FGF7: variants seen among roughly 807,000 people sequenced by gnomAD.
FGF7 encodes the protein FGF-7.
In FGF7, 6 loss-of-function variants were observed where a neutral mutation model predicts 20.5. The observed-to-expected ratio is 0.29, with a 90% CI of 0.16 to 0.58. The LOEUF is 0.58. Ranked by LOEUF, FGF7 falls within the 20% of genes least tolerant of loss-of-function variation. The pLI, the probability that FGF7 is intolerant of heterozygous loss-of-function variation, is 0.90. For missense variants in FGF7, 144 were observed against 228.8 expected, an observed-to-expected ratio of 0.63 and a Z score of 2.39; for synonymous variants, 64 against 74.7, an observed-to-expected ratio of 0.86 and a Z score of 0.74.
chr15:49,448,768 C>A (rs2052454968), intron 2 of FGF7, among the ~76,000 whole-genome samples: 1 of 151,702 alleles, frequency 6.6e-6, no homozygotes, highest in African/African-American at 2.4e-5. Flanking sequence ...AAGGCTCCCC[C>A]AAATACCCAG....
At chr15:49,440,651 A>G (rs910089876) in intron 2 of FGF7, among the ~76,000 whole-genome samples, 4 of 151,728 alleles carry the variant, frequency 2.6e-5, no homozygotes, top group African/African-American at 7.2e-5. Flanking sequence ...TGTCAGGCAC[A>G]GTGCTTGGTG....
intron 2 of FGF7, among the ~76,000 whole-genome samples, chr15:49,444,402 A>C (rs2051983330): frequency 6.6e-6 from 1 of 151,780 alleles, no homozygotes; most frequent in Non-Finnish European, 1.5e-5. Flanking sequence ...TATAGTATGA[A>C]AAAGTAAAAA....
chr15:49,425,224 T>C (rs1270782617), intron 2 of FGF7: 3 of 151,638 alleles, frequency 2.0e-5, no homozygotes, highest in Non-Finnish European at 4.4e-5. Flanking sequence ...TTTTATGTCA[T>C]AAAAGTTCTG....
At chr15:49,471,172 C>A (rs771827483) in intron 2 of FGF7, among the ~76,000 whole-genome samples, 1 of 152,052 alleles carries the variant, frequency 6.6e-6, no homozygotes, top group Non-Finnish European at 1.5e-5. Flanking sequence ...GCTAGGGAAT[C>A]CAAACCATCA....
intron 2 of FGF7, among the ~76,000 whole-genome samples, chr15:49,474,191 C>G (rs2055037675): frequency 6.6e-6 from 1 of 152,104 alleles, no homozygotes; most frequent in South Asian, 2.1e-4. Flanking sequence ...CTGTCTTAGG[C>G]TATCTATATC....
chr15:49,448,894 T>C (rs1872540902), intron 2 of FGF7, among the ~76,000 whole-genome samples: 1 of 151,894 alleles, frequency 6.6e-6, no homozygotes, highest in South Asian at 2.1e-4. Flanking sequence ...CCCTAACAAC[T>C]GGATACTTTC....
chr15:49,458,436 TTTTGGTTTTA>T (rs2053512091), intron 2 of FGF7, among the ~76,000 whole-genome samples: 1 of 152,026 alleles, frequency 6.6e-6, no homozygotes, highest in Admixed American at 6.6e-5. Flanking sequence ...CATTTAAAGG[TTTTGGTTTTA>T]TTTGGATTAT....
chr15:49,428,864 T>C (rs2050352836), intron 2 of FGF7, among the ~76,000 whole-genome samples: 1 of 152,048 alleles, frequency 6.6e-6, no homozygotes, highest in Non-Finnish European at 1.5e-5. Context: ...TTTGGCAATA[T>C]TCTCTTTTGG....
At chr15:49,447,290 T>C (rs1463642272) in intron 2 of FGF7, among the ~76,000 whole-genome samples, 3 of 151,654 alleles carry the variant, frequency 2.0e-5, no homozygotes, top group African/African-American at 7.2e-5. Context: ...CTCTGTAACA[T>C]GGCTGGCAAA....
At chr15:49,431,422 G>A (rs986007430) in intron 2 of FGF7, among the ~76,000 whole-genome samples, 4 of 151,808 alleles carry the variant, frequency 2.6e-5, no homozygotes, top group South Asian at 4.1e-4. Flanking sequence ...AAGGGTTTGT[G>A]TAGTAATATG....
intron 2 of FGF7, among the ~76,000 whole-genome samples, chr15:49,479,361 G>T (rs1219244781): frequency 6.6e-6 from 1 of 151,880 alleles, no homozygotes; most frequent in African/African-American, 2.4e-5. Context: ...AATTTACTGG[G>T]TACTACTTAA....
intron 2 of FGF7, among the ~76,000 whole-genome samples, chr15:49,472,154 A>C (rs2054839830): frequency 6.6e-6 from 1 of 152,218 alleles, no homozygotes; most frequent in Admixed American, 6.5e-5. Flanking sequence ...CATTTTATGA[A>C]GAACGCATTT....
At chr15:49,426,719 A>C (rs2050162908) in intron 2 of FGF7, among the ~76,000 whole-genome samples, 1 of 151,942 alleles carries the variant, frequency 6.6e-6, no homozygotes, top group African/African-American at 2.4e-5. Context: ...TCTATAGCAC[A>C]AAAGAAAAAA....
chr15:49,469,363 T>C (rs2054539889), intron 2 of FGF7, among the ~76,000 whole-genome samples: 1 of 152,164 alleles, frequency 6.6e-6, no homozygotes, highest in Non-Finnish European at 1.5e-5. Flanking sequence ...TTTAATTCTA[T>C]TTCTACTTGA....
rs566643117 is a variant in FGF7, at chr15:49,444,118, G to T, written c.286+19535G>T. ...TACGGCAGTGTTGGAAGCAATGCTG[G>T]GGTAGGCAGTGGCATTGCTGGGATA... On this transcript the variant is annotated intron_variant, in intron 2 of 3. Coordinates refer to ENST00000267843, the MANE Select transcript of FGF7 (RefSeq NM_002009.4). Among the ~76,000 whole-genome samples, 4 of 151,710 alleles carry T rather than the reference G, an allele frequency of 2.6e-5. No homozygotes were observed. The South Asian group carries it at 8.3e-4, about 31-fold the overall frequency.
rs1232671768 is a variant in FGF7 at position 49,485,914 on chromosome 15, G to T, written c.*1410G>T. The T allele has an allele frequency of 6.6e-6, 1 of 151,994 alleles. No individual in the cohort carries two copies. Among genetic ancestry groups the T allele is most frequent in the East Asian group, 1.9e-4 (1 of 5,198 alleles). 9.4% of individuals were successfully genotyped at this position (151,994 alleles called of 1,614,324 possible). On this transcript the variant is annotated 3_prime_UTR_variant, in exon 4 of 4. Transcript: ENST00000267843. ...AGCACTGAAAGTTGTTTTCCTGTTA[G>T]ATGGCAAGAGCACAATGCCCAAAAT... is the stretch of plus-strand genomic sequence containing the variant.
intron 2 of FGF7, among the ~76,000 whole-genome samples, chr15:49,440,435 T>C (rs2051529814): frequency 6.6e-6 from 1 of 151,766 alleles, no homozygotes; most frequent in African/African-American, 2.4e-5. Flanking sequence ...GCAAATTGAT[T>C]ATAGTTGGCC....
In FGF7 at chr15:49,456,685, T is replaced by C. The variant is rs546373179; in HGVS notation, c.287-26466T>C. Among the ~76,000 whole-genome samples, 17 of 152,182 alleles carry C rather than the reference T, an allele frequency of 1.1e-4. No homozygotes were observed. In the South Asian group the frequency reaches 2.5e-3, roughly 22 times the overall value. On this transcript the variant is annotated intron_variant, in intron 2 of 3. Coordinates refer to ENST00000267843, the MANE Select transcript of FGF7 (RefSeq NM_002009.4). ...TGTTCTTTCTAAAAAGAGTCAGAGA[T>C]ACTTTATTTTGTGAATTTCTGAAAA...
At chr15:49,475,432 A>G (rs1294224011) in intron 2 of FGF7, among the ~76,000 whole-genome samples, 1 of 152,186 alleles carries the variant, frequency 6.6e-6, no homozygotes, top group Admixed American at 6.5e-5. Context: ...GGGCAGGGAC[A>G]TTTTATTCAT....
Sources: gnomAD v4.1 joint callset for allele counts (sites outside exome capture counted in the v4.1 genomes callset) on GRCh38, gnomAD v4.1.1 for gene constraint, MANE v1.5 for transcripts, NCBI Gene and HGNC (gene_info 2026-07-23, HGNC 2026-07-21) for gene names.